MYCBP2: variants seen among roughly 807,000 people sequenced by gnomAD.
MYCBP2 encodes E3 ubiquitin-protein ligase MYCBP2.
Under a neutral mutation model 525.3 loss-of-function variants are expected in MYCBP2, and 120 were observed. That is an observed-to-expected ratio of 0.23 (90% confidence interval 0.20 to 0.27). The LOEUF (loss-of-function observed/expected upper bound fraction) is 0.27. Ranked by LOEUF, MYCBP2 falls within the 10% of genes least tolerant of loss-of-function variation. MYCBP2 has a pLI of 1.00. For synonymous variants in MYCBP2, 1,894 were observed against 1,955.8 expected, an observed-to-expected ratio of 0.97 and a Z score of 0.83; for missense variants, 4,149 against 5,657.1, an observed-to-expected ratio of 0.73 and a Z score of 8.55.
chr13:77,192,658 C>A (rs2061395227), intron 27 of MYCBP2, among the ~76,000 whole-genome samples: 1 of 152,126 alleles, frequency 6.6e-6, no homozygotes, highest in Non-Finnish European at 1.5e-5. Flanking sequence ...TGCATTAAGA[C>A]AGCTGTAGAA....
chr13:77,182,933 C>T (rs1482750635), intron 32 of MYCBP2, among the ~76,000 whole-genome samples: 1 of 152,106 alleles, frequency 6.6e-6, no homozygotes. Context: ...TTAGGAGTTT[C>T]CTTATATCCT....
intron 12 of MYCBP2, among the ~76,000 whole-genome samples, chr13:77,260,879 C>T (rs1043060385): frequency 2.0e-5 from 3 of 152,094 alleles, no homozygotes; most frequent in Admixed American, 1.3e-4. Context: ...CTGGAGGGCC[C>T]AATCTCTAAA....
chr13:77,168,725 G>C, intron 39 of MYCBP2, 79 bp from the exon 40 acceptor site: 1 of 1,285,220 alleles, frequency 7.8e-7, no homozygotes, highest in Admixed American at 1.9e-5. Context: ...ATAATTGTTG[G>C]TTACTCTAAT....
intron 1 of MYCBP2, among the ~76,000 whole-genome samples, chr13:77,297,320 A>G (rs1004567962): frequency 5.3e-5 from 8 of 152,260 alleles, no homozygotes; most frequent in Non-Finnish European, 1.0e-4. Context: ...TATGTTCACC[A>G]TGCTGAGATG....
At chr13:77,235,205 A>T (rs1222962656) in intron 17 of MYCBP2, among the ~76,000 whole-genome samples, 2 of 152,094 alleles carry the variant, frequency 1.3e-5, no homozygotes, top group Admixed American at 6.5e-5. Context: ...CAGAAATAAA[A>T]ACACAAACTA....
At chr13:77,274,393 G>A (rs1328583769) in intron 4 of MYCBP2, among the ~76,000 whole-genome samples, 1 of 152,048 alleles carries the variant, frequency 6.6e-6, no homozygotes, top group African/African-American at 2.4e-5. Flanking sequence ...TCCATAGAAC[G>A]GAGACTTGAA....
chr13:77,246,690 C>T (rs2070084328), intron 15 of MYCBP2, among the ~76,000 whole-genome samples: 1 of 149,804 alleles, frequency 6.7e-6, no homozygotes, highest in Non-Finnish European at 1.5e-5. Context: ...AAAACCCCTA[C>T]AGACCAATAT....
At chr13:77,292,684 C>G (rs982022390) in intron 2 of MYCBP2, among the ~76,000 whole-genome samples, 18 of 152,096 alleles carry the variant, frequency 1.2e-4, no homozygotes, top group African/African-American at 3.6e-4. Flanking sequence ...ACCGGCCAGG[C>G]ACGGTGGCTT....
chr13:77,168,561 T>C lies in MYCBP2; in HGVS notation c.5981A>G (p.Asn1994Ser). The stretch of plus-strand genomic sequence containing the variant: ...GGTGCTATCTGTCGACTGATTAGGG[T>C]TGAAGGCAGGCGGTGCATACTTCTG... ...LNQKYAPPAF[N>S]PNQSTDSTTG... Residue 1994 changes from asparagine to serine, a missense_variant, in exon 40 of 83, where the codon AAC becomes AGC. Asn to Ser is a conservative substitution (Grantham distance 46). Around this residue, in one of 21 missense-constraint regions of MYCBP2, gnomAD observed 692 missense variants for 852.7 expected, o/e 0.81. Coordinates refer to ENST00000544440, the MANE Select transcript of MYCBP2 (RefSeq NM_015057.5). The C allele has an allele frequency of 1.2e-6, 2 of 1,614,114 alleles. No homozygotes were observed. Among genetic ancestry groups the C allele is most frequent in the Non-Finnish European group, 1.7e-6 (2 of 1,180,032 alleles).
chr13:77,090,472 G>T, intron 59 of MYCBP2: 1 of 359,064 alleles, frequency 2.8e-6, no homozygotes, highest in Non-Finnish European at 4.9e-6. Context: ...TAAAACTTAT[G>T]GTTTTCTTAA....
chr13:77,063,653 T>G (rs1418028595), intron 73 of MYCBP2, among the ~76,000 whole-genome samples: 1 of 151,704 alleles, frequency 6.6e-6, no homozygotes, highest in Non-Finnish European at 1.5e-5. Flanking sequence ...TATAGAATGA[T>G]ATATCCCCTC....
Position 77,320,116 on chromosome 13 carries a change from C to T in MYCBP2, c.302+6358G>A, listed in dbSNP as rs80012196. Among the ~76,000 whole-genome samples the T allele has an allele frequency of 8.7e-3, 1,329 of 152,216 alleles. 22 individuals carry two copies. Among genetic ancestry groups the T allele is most frequent in the African/African-American group, 0.03 (1,236 of 41,522 alleles). On this transcript the variant is annotated intron_variant, in intron 1 of 82. Coordinates refer to ENST00000544440, the MANE Select transcript of MYCBP2 (RefSeq NM_015057.5). ...AGGTTGGCTTGTCTTATAGCAAAAG[C>T]GCTAGGCATTTATATCCCTACACTG...
At chr13:77,079,230 T>C (rs1359581330) in intron 65 of MYCBP2, among the ~76,000 whole-genome samples, 2 of 152,176 alleles carry the variant, frequency 1.3e-5, no homozygotes, top group African/African-American at 4.8e-5. Flanking sequence ...GTTGCTATAT[T>C]TTCATTACTT....
chr13:77,108,437 G>A, intron 55 of MYCBP2, among the ~76,000 whole-genome samples: 1 of 152,142 alleles, frequency 6.6e-6, no homozygotes, highest in South Asian at 2.1e-4. Flanking sequence ...GACAGGTATT[G>A]CTTCCCGAGC....
chr13:77,058,227 T>A lies in MYCBP2; in HGVS notation c.13320A>T (p.Pro4440=). 1 of 1,613,324 alleles carries A rather than the reference T, an allele frequency of 6.2e-7. No individual in the cohort carries two copies. The highest frequency in any genetic ancestry group is 8.5e-7 in the Non-Finnish European group (1 of 1,179,654). The change falls in exon 78 of 83, where the codon CCA becomes CCT. Residue 4440 remains proline (P), a synonymous_variant. Transcript: ENST00000544440. The surrounding 1 kb of genome is among the most constrained non-coding windows in gnomAD (Gnocchi z 4.1). ...TAAAAGCTGAGGCAACCTGAATGGC[T>A]GGTGCTGCCGAGAGCGCTTCGGTGA... is the stretch of plus-strand genomic sequence containing the variant. ...ICFTEALSAA[P]AIQLDCSHIF... is the part of the protein sequence containing the mutation.
intron 10 of MYCBP2, 87 bp downstream of exon 10, chr13:77,263,544 TAGCTGCTACAACATAAGCTG>T: frequency 1.2e-6 from 1 of 859,142 alleles, no homozygotes; most frequent in Non-Finnish European, 1.7e-6. Flanking sequence ...AGACACAAAA[TAGCTGCTACAACATAAGCTG>T]AACTGGTGAA....
At chr13:77,094,443 C>G (rs2045929474) in intron 58 of MYCBP2, among the ~76,000 whole-genome samples, 1 of 152,128 alleles carries the variant, frequency 6.6e-6, no homozygotes, top group Admixed American at 6.5e-5. Context: ...TAATTGCAAA[C>G]CAGTTCATGT....
chr13:77,326,402 C>A lies in MYCBP2; in HGVS notation c.302+72G>T, dbSNP rs370678076. 4.2e-6 allele frequency: 6 copies of A among 1,413,382 alleles called. No individual in the cohort carries two copies. The East Asian group carries it at 1.3e-4, about 31-fold the overall frequency. The allele number at this position is 1,413,382 out of a possible 1,614,324, so 87.6% of individuals were successfully genotyped here. A position where few individuals can be genotyped will look rare whatever the true frequency, so the allele number is the denominator to read the frequency against. On this transcript the variant is annotated intron_variant, in intron 1 of 82. Transcript: ENST00000544440. This position sits in a 1 kb window ranked among gnomAD's most constrained non-coding sequence, Gnocchi z 4.2. The stretch of plus-strand genomic sequence containing the variant: ...ACACACACGCAAGCACACACACACG[C>A]GGGTGCACGCGCGGCATGGGGCGCA...
chr13:77,187,679 C>T (rs372121545), intron 30 of MYCBP2, among the ~76,000 whole-genome samples: 20 of 152,204 alleles, frequency 1.3e-4, no homozygotes, highest in African/African-American at 4.8e-4. Context: ...CTGTAAGTAT[C>T]GTAAGAAACA....
Sources: allele counts gnomAD v4.1 joint callset (sites outside exome capture counted in the v4.1 genomes callset), GRCh38; gene constraint gnomAD v4.1.1; regional missense constraint gnomAD v4.1.1; non-coding constraint Gnocchi (gnomAD v3.1); transcripts MANE v1.5; gene names NCBI Gene and HGNC (gene_info 2026-07-23, HGNC 2026-07-21).